COL6A2: variants seen among roughly 807,000 people sequenced by gnomAD.
COL6A2 encodes collagen alpha-2(VI) chain.
COL6A2 carries 90 observed loss-of-function variants against 124.9 expected under a neutral mutation model. That is an observed-to-expected ratio of 0.72 (90% CI 0.61 to 0.86). The LOEUF is 0.86. COL6A2 is among the 40% of genes least tolerant of loss of function. COL6A2 has a pLI of 0.00. For missense variants in COL6A2, 1,607 were observed against 1,502.5 expected (o/e 1.07, Z -1.15); for synonymous variants, 793 against 618.2 (o/e 1.28, Z -4.19).
chr21:46,129,147 C>G (rs748937856), intron 27 of COL6A2: 1 of 1,611,126 alleles, frequency 6.2e-7, no homozygotes, highest in African/African-American at 1.3e-5. Context: ...GAGCTCTAGG[C>G]CGACGCCCAC....
intron 4 of COL6A2, among the ~76,000 whole-genome samples, chr21:46,113,327 C>T (rs1175552401): frequency 2.0e-5 from 3 of 152,148 alleles, no homozygotes. Flanking sequence ...CAAATGGTGC[C>T]TCCCTCACCA....
chr21:46,107,389 C>T (rs1269575969), intron 1 of COL6A2, among the ~76,000 whole-genome samples: 1 of 152,116 alleles, frequency 6.6e-6, no homozygotes, highest in Admixed American at 6.5e-5. Context: ...TGGCATGACA[C>T]TACACGACCA....
chr21:46,115,975 G>GGGC (rs752446622), intron 6 of COL6A2, 34 bp from the exon 7 acceptor site: 616 of 1,611,848 alleles, frequency 3.8e-4, no homozygotes, highest in Non-Finnish European at 4.8e-4. Context: ...AGCGCCCCAG[G>GGGC]GCTGGGCTCA....
At chr21:46,102,730 C>G (rs1161205096) in intron 1 of COL6A2, among the ~76,000 whole-genome samples, 2 of 146,684 alleles carry the variant, frequency 1.4e-5, no homozygotes, top group South Asian at 4.2e-4. Context: ...GTATGTTGAA[C>G]TATCCTTGCA....
At chr21:46,117,617 G>A in intron 11 of COL6A2, 164 bp downstream of exon 11, 10 of 811,986 alleles carry the variant, frequency 1.2e-5, no homozygotes, top group Non-Finnish European at 2.0e-5. Context: ...TCGGAGTCAT[G>A]TGAGGAACTC....
In COL6A2 at chr21:46,122,955, G is replaced by A. The variant is rs202115968; in HGVS notation, c.1671+18G>A. The A allele has an allele frequency of 5.0e-5, 81 of 1,611,724 alleles. No homozygotes were observed. In the East Asian group the frequency reaches 7.6e-4, roughly 15 times the overall value. ...GAGAGCCTGTGAGTGTCACCGTCCC[G>A]AAGCCCACAGCAGCTGGGCAGAGGC... is the stretch of plus-strand genomic sequence containing the variant. On this transcript the variant is annotated intron_variant, in intron 21 of 27. Transcript: ENST00000300527.
At chr21:46,131,272 G>A (rs756070170) in intron 27 of COL6A2, among the ~76,000 whole-genome samples, 33 of 152,250 alleles carry the variant, frequency 2.2e-4, no homozygotes, top group Non-Finnish European at 4.3e-4. Context: ...GCCTGGCCTG[G>A]GTTGTGGCTA....
intron 21 of COL6A2, among the ~76,000 whole-genome samples, chr21:46,123,377 C>T (rs2078598118): frequency 6.6e-6 from 1 of 151,882 alleles, no homozygotes; most frequent in South Asian, 2.1e-4. Flanking sequence ...AGGGTTCCCT[C>T]CCCAATGTCC....
chr21:46,120,142 T>A (rs1264624434), intron 15 of COL6A2, among the ~76,000 whole-genome samples: 16 of 137,222 alleles, frequency 1.2e-4, no homozygotes, highest in South Asian at 2.3e-4. Context: ...GAGGCACCTC[T>A]TACCCCCAGC....
chr21:46,132,576 C>G lies in COL6A2; in HGVS notation c.*24C>G, dbSNP rs761359159. On this transcript the variant is annotated 3_prime_UTR_variant, in exon 28 of 28. Transcript: ENST00000300527. ...AGCGCCGCCGCCCGGGCCCCGCAGT[C>G]GAGGGTCGTGAGCCCACCCCGTCCA... 1 of 1,568,132 alleles carries G rather than the reference C, an allele frequency of 6.4e-7. No homozygotes were observed. Among genetic ancestry groups the G allele is most frequent in the Non-Finnish European group, 8.6e-7 (1 of 1,162,716 alleles).
intron 1 of COL6A2, among the ~76,000 whole-genome samples, chr21:46,101,488 C>A (rs189867789): frequency 6.6e-6 from 1 of 152,110 alleles, no homozygotes; most frequent in Non-Finnish European, 1.5e-5. Flanking sequence ...TCCCATGTCA[C>A]GAAGGTGTTA....
chr21:46,129,412 T>C (rs770199406), intron 27 of COL6A2: 1 of 1,612,508 alleles, frequency 6.2e-7, no homozygotes, highest in Non-Finnish European at 8.5e-7. Flanking sequence ...CAGGACTGGA[T>C]GGAGCTGTTC....
chr21:46,112,525 C>T lies in COL6A2; in HGVS notation c.662C>T (p.Pro221Leu), dbSNP rs1601218962. The change falls in exon 3 of 28, where the codon CCC becomes CTC. Residue 221 changes from proline (P) to leucine (L), a missense_variant. Coordinates refer to ENST00000300527, the MANE Select transcript of COL6A2 (RefSeq NM_001849.4). ...CGCAACGACTACGCCACCATGCTGC[C>T]CGACTCCACCGAGATCGACCAGGAC... ...LYRNDYATML[P>L]DSTEIDQDTI... 3.1e-6 allele frequency: 5 copies of T among 1,609,086 alleles called. No homozygotes were observed. The highest frequency in any genetic ancestry group is 4.2e-6 in the Non-Finnish European group (5 of 1,179,016).
At chr21:46,108,051 A>C (rs1371099364) in intron 1 of COL6A2, among the ~76,000 whole-genome samples, 1 of 148,208 alleles carries the variant, frequency 6.7e-6, no homozygotes, top group East Asian at 2.0e-4. Flanking sequence ...TTCTCTCCCT[A>C]ATCTCCCCTC....
intron 1 of COL6A2, among the ~76,000 whole-genome samples, chr21:46,102,734 C>A (rs1364876082): frequency 6.8e-6 from 1 of 146,934 alleles, no homozygotes; most frequent in Non-Finnish European, 1.5e-5. Flanking sequence ...GTTGAACTAT[C>A]CTTGCACTCC....
rs769103792 is a variant in COL6A2 at position 46,115,836 on chromosome 21, T to C, written c.802-36T>C. 15 of 1,607,790 alleles carry C rather than the reference T, an allele frequency of 9.3e-6. No individual in the cohort carries two copies. The Admixed American group carries it at 1.0e-4, about 11-fold the overall frequency. ...GTCCCCAGCTGCCTACCGCCCACCC[T>C]ACCCTGCCTCGATGTACTCTTTTCT... is the stretch of plus-strand genomic sequence containing the variant. On this transcript the variant is annotated intron_variant, in intron 5 of 27. Transcript: ENST00000300527.
At chr21:46,126,751 C>T (rs2078676544) in intron 27 of COL6A2, among the ~76,000 whole-genome samples, 1 of 152,182 alleles carries the variant, frequency 6.6e-6, no homozygotes, top group South Asian at 2.1e-4. Context: ...AACGCAGGAA[C>T]AGCATCACGA....
chr21:46,131,938 C>T lies in COL6A2; in HGVS notation c.2462-16C>T. ...CACCTCCCCTCCGCCCAGCCCGCACCTGCGTCTCCCCACAGAGCTGTCCGT... is the reference window on the plus strand; with the variant it reads ...CACCTCCCCTCCGCCCAGCCCGCACTTGCGTCTCCCCACAGAGCTGTCCGT... On this transcript the variant is annotated splice_polypyrimidine_tract_variant and intron_variant, in intron 27 of 27. Coordinates refer to ENST00000300527, the MANE Select transcript of COL6A2 (RefSeq NM_001849.4). 1 of 1,582,500 alleles carries T rather than the reference C, an allele frequency of 6.3e-7. No individual in the cohort carries two copies. Among genetic ancestry groups the T allele is most frequent in the South Asian group, 1.1e-5 (1 of 87,228 alleles).
rs1474632772 is a variant in COL6A2, at chr21:46,126,033, G to A, written c.2218G>A (p.Asp740Asn). 14 of 1,612,876 alleles carry A rather than the reference G, an allele frequency of 8.7e-6. No homozygotes were observed. Among genetic ancestry groups the A allele is most frequent in the African/African-American group, 1.3e-5 (1 of 74,924 alleles). Residue 740 changes from aspartate (D) to asparagine (N), a missense_variant, in exon 26 of 28, where the codon GAT (aspartate) becomes AAT (asparagine). Around this residue, in one of 3 missense-constraint regions of COL6A2, gnomAD observed 1,223 missense variants for 1,052.2 expected, o/e 1.16. Transcript: ENST00000300527. ...GGACGGGCGCCACGACCCTCGGGAC[G>A]ATGACCTCAACTTGCGGGCGCTGTG... ...ITDGRHDPRDDDLNLRALCDR... is the reference protein window; with the variant it reads ...ITDGRHDPRDNDLNLRALCDR...
Sources: allele counts gnomAD v4.1 joint callset (sites outside exome capture counted in the v4.1 genomes callset), GRCh38; gene constraint gnomAD v4.1.1; regional missense constraint gnomAD v4.1.1; transcripts MANE v1.5; gene names NCBI Gene and HGNC (gene_info 2026-07-23, HGNC 2026-07-21).